Variants in PRELID2 observed in about 807,000 individuals in gnomAD.
The protein encoded by PRELID2 is PRELI domain-containing protein 2.
PRELID2 carries 25 observed loss-of-function variants against 28.4 expected under a neutral mutation model. The ratio of observed to expected loss-of-function variants is 0.88; its 90% CI spans 0.64 to 1.23. PRELID2 has a LOEUF of 1.23. Ranked by LOEUF, PRELID2 falls within the 50% of genes most tolerant of loss-of-function variation. The probability of loss-of-function intolerance (pLI) is 0.00; values close to 1 mark genes in which losing one functional copy is unlikely to be tolerated. For synonymous variants in PRELID2, 76 were observed against 71.6 expected, an observed-to-expected ratio of 1.06 and a Z score of -0.31; for missense variants, 201 against 214.4, an observed-to-expected ratio of 0.94 and a Z score of 0.39.
intron 1 of PRELID2, among the ~76,000 whole-genome samples, chr5:145,557,815 T>G (rs541090210): frequency 6.6e-6 from 1 of 152,326 alleles, no homozygotes; most frequent in East Asian, 1.9e-4. Context: ...GCACCAAAGT[T>G]TGAACCCAGA....
the PRELID2 span, among the ~76,000 whole-genome samples, chr5:145,454,255 A>C: frequency 6.6e-6 from 1 of 152,186 alleles, no homozygotes; most frequent in African/African-American, 2.4e-5. Flanking sequence ...ATTCTCAATA[A>C]ATTAGGTATT....
chr5:145,232,088 C>T, the PRELID2 span, among the ~76,000 whole-genome samples: 2 of 151,928 alleles, frequency 1.3e-5, no homozygotes, highest in Non-Finnish European at 2.9e-5. Context: ...ACTAGTGTCT[C>T]GTGTAGAGGT....
intron 1 of PRELID2, among the ~76,000 whole-genome samples, chr5:145,629,862 T>C (rs923050753): frequency 4.7e-5 from 7 of 150,336 alleles, no homozygotes; most frequent in African/African-American, 1.8e-4. Flanking sequence ...AAAACCCCTA[T>C]GAACTATAGG....
the PRELID2 span, among the ~76,000 whole-genome samples, chr5:145,347,566 T>G: frequency 6.6e-6 from 1 of 152,106 alleles, no homozygotes; most frequent in South Asian, 2.1e-4. Context: ...TGGTGGCTAT[T>G]TTATTATCCA....
chr5:145,825,897 C>T (rs340047), intron 1 of PRELID2: 232,175 of 356,324 alleles, frequency 0.65, 77,395 homozygotes, highest in Non-Finnish European at 0.71. Context: ...TTGTGGTAAC[C>T]TGAATATTCA....
chr5:145,434,600 T>C, the PRELID2 span, among the ~76,000 whole-genome samples: 1 of 152,124 alleles, frequency 6.6e-6, no homozygotes, highest in African/African-American at 2.4e-5. Context: ...AAAGAGGAGA[T>C]GGGCCCAAGG....
the PRELID2 span, among the ~76,000 whole-genome samples, chr5:145,455,587 T>C: frequency 1.3e-5 from 2 of 152,240 alleles, no homozygotes; most frequent in Admixed American, 6.5e-5. Flanking sequence ...CATGAAATGT[T>C]TCTCCATTTG....
chr5:145,756,413 C>T lies in PRELID2; in HGVS notation c.*4123G>A. Among the ~76,000 whole-genome samples, 1 of 152,160 alleles carries T rather than the reference C, an allele frequency of 6.6e-6. No homozygotes were observed. ...TCATAGGTAAACAACTAATTTATAG[C>T]TCTATATCACAATAACACTGAATCA... On this transcript the variant is annotated 3_prime_UTR_variant, in exon 7 of 7. Transcript: ENST00000683046.
chr5:145,312,759 A>G, the PRELID2 span, among the ~76,000 whole-genome samples: 1 of 152,042 alleles, frequency 6.6e-6, no homozygotes, highest in Non-Finnish European at 1.5e-5. Context: ...CCATTCATCT[A>G]TTGATGACCA....
intron 1 of PRELID2, among the ~76,000 whole-genome samples, chr5:145,541,504 C>T (rs747862243): frequency 7.2e-5 from 11 of 152,074 alleles, no homozygotes; most frequent in Non-Finnish European, 1.3e-4. Context: ...TGAACCATTA[C>T]ACAATCCTTG....
At chr5:145,753,499 G>GT (rs1286394987), downstream of PRELID2, among the ~76,000 whole-genome samples, 1 of 152,190 alleles carries the variant, frequency 6.6e-6, no homozygotes, top group Non-Finnish European at 1.5e-5. Flanking sequence ...ACAGTGAATT[G>GT]TATTTTTCTG....
chr5:145,627,410 T>C (rs1012714827), intron 1 of PRELID2, among the ~76,000 whole-genome samples: 2 of 152,082 alleles, frequency 1.3e-5, no homozygotes, highest in Admixed American at 1.3e-4. Flanking sequence ...ATTCAGATGA[T>C]GGGTACATTA....
chr5:145,373,401 T>A, the PRELID2 span, among the ~76,000 whole-genome samples: 1 of 76,342 alleles, frequency 1.3e-5, no homozygotes, highest in Non-Finnish European at 2.3e-5. Flanking sequence ...TATATGATAT[T>A]ATATATTACA....
intron 1 of PRELID2, among the ~76,000 whole-genome samples, chr5:145,633,426 A>C (rs529810847): frequency 1.2e-4 from 19 of 152,336 alleles, no homozygotes; most frequent in South Asian, 6.2e-4. Context: ...CCTTTGCATG[A>C]ATAGTAAACT....
the PRELID2 span, among the ~76,000 whole-genome samples, chr5:145,357,976 G>T: frequency 2.6e-5 from 4 of 152,016 alleles, no homozygotes; most frequent in East Asian, 5.9e-4. Context: ...CATAAGGTGG[G>T]TTTAGTCAAC....
chr5:145,767,941 G>A (rs1467286537), intron 5 of PRELID2, among the ~76,000 whole-genome samples: 1 of 151,984 alleles, frequency 6.6e-6, no homozygotes, highest in East Asian at 1.9e-4. Flanking sequence ...AAAGAATTAG[G>A]GGAGGCCAGG....
chr5:145,327,363 TATATA>T, the PRELID2 span, among the ~76,000 whole-genome samples: 2 of 152,122 alleles, frequency 1.3e-5, no homozygotes, highest in African/African-American at 4.8e-5. Context: ...ACTTTATTAT[TATATA>T]ATGACCTCTT....
chr5:145,515,869 A>C (rs1359195077), intron 1 of PRELID2, among the ~76,000 whole-genome samples: 1 of 152,200 alleles, frequency 6.6e-6, no homozygotes, highest in Non-Finnish European at 1.5e-5. Context: ...CCATCACATA[A>C]ACAGAACCAA....
At chr5:145,444,765 G>A in the PRELID2 span, among the ~76,000 whole-genome samples, 2 of 151,942 alleles carry the variant, frequency 1.3e-5, no homozygotes, top group Non-Finnish European at 2.9e-5. Context: ...CTGAGTGCCC[G>A]TTCGTCCACT....
Sources: gnomAD v4.1 joint callset for allele counts (sites outside exome capture counted in the v4.1 genomes callset) on GRCh38, gnomAD v4.1.1 for gene constraint, MANE v1.5 for transcripts, NCBI Gene and HGNC (gene_info 2026-07-23, HGNC 2026-07-21) for gene names.